Variants in CEP83 observed in about 807,000 individuals in gnomAD.
CEP83 encodes the protein centrosomal protein of 83 kDa.
A neutral mutation model predicts 101.9 loss-of-function variants in CEP83; 70 were observed. The observed-to-expected ratio is 0.69, with a 90% CI of 0.57 to 0.84. CEP83 has a LOEUF of 0.84. Among genes scored for constraint, CEP83 ranks in the 40% least tolerant of loss-of-function variants. The probability of loss-of-function intolerance (pLI) is 0.00; values close to 1 mark genes in which losing one functional copy is unlikely to be tolerated. For missense variants in CEP83, 715 were observed against 787.2 expected (o/e 0.91, Z 1.10); for synonymous variants, 264 against 267.9 (o/e 0.99, Z 0.14).
intron 11 of CEP83, among the ~76,000 whole-genome samples, chr12:94,353,253 T>C (rs1054921876): frequency 2.0e-5 from 3 of 152,114 alleles, no homozygotes; most frequent in Non-Finnish European, 4.4e-5. Context: ...AGCAAAACTA[T>C]CTTCAGAAAT....
chr12:94,438,482 C>G (rs2066163232), intron 1 of CEP83, among the ~76,000 whole-genome samples: 1 of 151,992 alleles, frequency 6.6e-6, no homozygotes, highest in East Asian at 1.9e-4. Context: ...AGGATTAGTC[C>G]AACAGGAAAA....
chr12:94,338,333 G>A (rs1022827438), intron 11 of CEP83, among the ~76,000 whole-genome samples: 13 of 152,066 alleles, frequency 8.5e-5, no homozygotes, highest in African/African-American at 3.1e-4. Flanking sequence ...ATACACTGTA[G>A]GTCATTAACT....
In CEP83 at chr12:94,363,835, C is replaced by A. The variant is rs1368646551; in HGVS notation, c.1343+3959G>T. On this transcript the variant is annotated intron_variant, in intron 11 of 16. Coordinates refer to ENST00000397809, the MANE Select transcript of CEP83 (RefSeq NM_016122.3). ...TGGTAGCAGGCGCCTTTAATCCCAG[C>A]TACTTGGGAGACTAAGGCAGGAGAA... Among the ~76,000 whole-genome samples, 3 of 151,494 alleles carry A rather than the reference C, an allele frequency of 2.0e-5. No individual in the cohort carries two copies. The South Asian group carries it at 6.2e-4, about 32-fold the overall frequency.
intron 11 of CEP83, among the ~76,000 whole-genome samples, chr12:94,357,138 C>T (rs1455221537): frequency 3.9e-5 from 6 of 152,188 alleles, no homozygotes; most frequent in Non-Finnish European, 8.8e-5. Context: ...CAGTTATTAG[C>T]TTTCCACAAT....
At chr12:94,354,958 T>C (rs542684065) in intron 11 of CEP83, among the ~76,000 whole-genome samples, 5 of 152,024 alleles carry the variant, frequency 3.3e-5, no homozygotes, top group Admixed American at 6.5e-5. Context: ...GCTGAGATCG[T>C]GCCACTGCAC....
intron 6 of CEP83, among the ~76,000 whole-genome samples, chr12:94,397,630 C>T (rs942944667): frequency 4.6e-5 from 7 of 152,096 alleles, no homozygotes; most frequent in African/African-American, 1.7e-4. Context: ...TTCACTATTT[C>T]AAAAACAACA....
the CEP83 span, among the ~76,000 whole-genome samples, chr12:94,286,365 G>A: frequency 1.3e-5 from 2 of 152,056 alleles, no homozygotes; most frequent in Non-Finnish European, 2.9e-5. Flanking sequence ...TTTTTTAAAG[G>A]CTGCTTGGAG....
chr12:94,325,450 G>A (rs572932933), intron 14 of CEP83, among the ~76,000 whole-genome samples: 1 of 152,098 alleles, frequency 6.6e-6, no homozygotes, highest in Admixed American at 6.5e-5. Flanking sequence ...TGGGATTACA[G>A]GCGTGAGTCA....
chr12:94,393,615 T>TC (rs1239376208), intron 6 of CEP83, among the ~76,000 whole-genome samples: 1 of 152,200 alleles, frequency 6.6e-6, no homozygotes, highest in African/African-American at 2.4e-5. Flanking sequence ...TGTTGGACGT[T>TC]CTGGCCAGGG....
rs147078902 is a variant in CEP83, at chr12:94,422,660, T to C, written c.-101-10069A>G. ...GAGGCAACCACTTTTGTGGTTATTC[T>C]CACCATAGCTCCACCTGATCCAGAA... On this transcript the variant is annotated intron_variant, in intron 2 of 16. Coordinates refer to ENST00000397809, the MANE Select transcript of CEP83 (RefSeq NM_016122.3). 2.0e-5 allele frequency among the ~76,000 whole-genome samples: 3 copies of C among 152,320 alleles called. No homozygotes were observed. The East Asian group carries it at 5.8e-4, about 29-fold the overall frequency.
intron 11 of CEP83, among the ~76,000 whole-genome samples, chr12:94,341,922 T>G (rs190692242): frequency 1.0e-3 from 152 of 152,254 alleles, no homozygotes; most frequent in Middle Eastern, 6.8e-3. Flanking sequence ...GGCCAAACTG[T>G]GGGATTATCA....
chr12:94,359,828 A>T (rs938263144), intron 11 of CEP83, among the ~76,000 whole-genome samples: 1 of 152,160 alleles, frequency 6.6e-6, no homozygotes, highest in Non-Finnish European at 1.5e-5. Context: ...CACAACAAAA[A>T]AAAGAGCACT....
At chr12:94,452,276 C>G (rs1241672651) in intron 1 of CEP83, among the ~76,000 whole-genome samples, 1 of 152,028 alleles carries the variant, frequency 6.6e-6, no homozygotes, top group African/African-American at 2.4e-5. Context: ...TCGCACAACT[C>G]TATAAAGTTG....
downstream of CEP83, chr12:94,307,677 ACTGT>A (rs1238016267): frequency 1.2e-4 from 12 of 103,246 alleles, no homozygotes; most frequent in African/African-American, 3.9e-4. Flanking sequence ...GTAACTGTGG[ACTGT>A]CTTTTTTTTT....
chr12:94,417,141 T>C (rs1258171260), intron 2 of CEP83, among the ~76,000 whole-genome samples: 1 of 150,600 alleles, frequency 6.6e-6, no homozygotes, highest in Non-Finnish European at 1.5e-5. Context: ...CAGTGAGACC[T>C]TGTCTCAAAA....
chr12:94,414,618 T>A lies in CEP83; in HGVS notation c.-101-2027A>T, dbSNP rs116805949. ...GTATACTGTAAACATAACTTTTCCA[T>A]GCACTGAGAAACCAGAAAATTCTTG... On this transcript the variant is annotated intron_variant, in intron 2 of 16. Transcript: ENST00000397809. Among the ~76,000 whole-genome samples the A allele has an allele frequency of 2.1e-3, 313 of 152,346 alleles. 1 individual carries two copies. The highest frequency in any genetic ancestry group is 7.3e-3 in the African/African-American group (303 of 41,580).
At chr12:94,372,926 T>C (rs1322091545) in intron 8 of CEP83, among the ~76,000 whole-genome samples, 3 of 152,202 alleles carry the variant, frequency 2.0e-5, no homozygotes, top group Admixed American at 6.5e-5. Flanking sequence ...ATGAACACTG[T>C]TAATTTCCTA....
intron 2 of CEP83, among the ~76,000 whole-genome samples, chr12:94,419,686 T>A (rs2064566491): frequency 6.6e-6 from 1 of 152,120 alleles, no homozygotes; most frequent in African/African-American, 2.4e-5. Flanking sequence ...ACACAGCCCA[T>A]AAACTGACCT....
the CEP83 span, chr12:94,298,766 T>G: frequency 1.2e-6 from 2 of 1,611,934 alleles, no homozygotes; most frequent in Admixed American, 1.7e-5. Flanking sequence ...TCACAGATCC[T>G]GACGTCGTAC....
Sources: gnomAD v4.1 joint callset for allele counts (sites outside exome capture counted in the v4.1 genomes callset) on GRCh38, gnomAD v4.1.1 for gene constraint, MANE v1.5 for transcripts, NCBI Gene and HGNC (gene_info 2026-07-23, HGNC 2026-07-21) for gene names.